NRP1: variants seen among roughly 807,000 people sequenced by gnomAD.
NRP1 encodes neuropilin-1.
NRP1 carries 35 observed loss-of-function variants against 106.7 expected under a neutral mutation model. The observed-to-expected ratio is 0.33, with a 90% CI of 0.25 to 0.43. The LOEUF is 0.43. Among genes scored for constraint, NRP1 ranks in the 20% least tolerant of loss-of-function variants. The probability of loss-of-function intolerance (pLI) is 1.00; values close to 1 mark genes in which losing one functional copy is unlikely to be tolerated. For missense variants in NRP1, 1,024 were observed against 1,170.4 expected, an observed-to-expected ratio of 0.87 and a Z score of 1.83; for synonymous variants, 437 against 417.9, an observed-to-expected ratio of 1.05 and a Z score of -0.56.
At chr10:33,206,471 C>G (rs1837793131) in intron 10 of NRP1, 1 of 366,828 alleles carries the variant, frequency 2.7e-6, no homozygotes, top group Non-Finnish European at 5.5e-6. Context: ...ATGAATTATT[C>G]AGGGGTATGG....
intron 2 of NRP1, among the ~76,000 whole-genome samples, chr10:33,279,925 A>G (rs1843989587): frequency 6.6e-6 from 1 of 152,168 alleles, no homozygotes; most frequent in Non-Finnish European, 1.5e-5. Context: ...GGGAGCTCTG[A>G]GCCTATAGGC....
intron 13 of NRP1, among the ~76,000 whole-genome samples, chr10:33,188,591 G>A (rs867289566): frequency 9.2e-5 from 14 of 152,034 alleles, no homozygotes; most frequent in Middle Eastern, 6.8e-3. Flanking sequence ...AAATATGCTC[G>A]TGTGGCCGGG....
intron 6 of NRP1, among the ~76,000 whole-genome samples, chr10:33,236,908 T>C (rs927099): frequency 0.61 from 93,299 of 152,104 alleles, 30,089 homozygotes; most frequent in African/African-American, 0.82. Context: ...TCCATTTTCT[T>C]AACTGTCCCG....
intron 6 of NRP1, among the ~76,000 whole-genome samples, chr10:33,230,332 C>T (rs776568416): frequency 1.3e-5 from 2 of 152,186 alleles, no homozygotes; most frequent in Non-Finnish European, 2.9e-5. Flanking sequence ...TTCTGGAAGA[C>T]ACCACCCCCA....
intron 2 of NRP1, among the ~76,000 whole-genome samples, chr10:33,297,885 T>G (rs1294057773): frequency 6.6e-6 from 1 of 151,464 alleles, no homozygotes; most frequent in Non-Finnish European, 1.5e-5. Flanking sequence ...TCTCCTGCCC[T>G]ATGAAAACCA....
intron 2 of NRP1, among the ~76,000 whole-genome samples, chr10:33,286,626 G>GC (rs1844581017): frequency 6.6e-6 from 1 of 152,142 alleles, no homozygotes; most frequent in South Asian, 2.1e-4. Context: ...TTTAACACAA[G>GC]CATTTTCCAC....
chr10:33,323,380 G>T (rs1053173923), intron 2 of NRP1, among the ~76,000 whole-genome samples: 2 of 152,114 alleles, frequency 1.3e-5, no homozygotes, highest in African/African-American at 2.4e-5. Flanking sequence ...CACGTTATAA[G>T]GCAAAAGTTC....
chr10:33,320,435 G>A (rs1310948283), intron 2 of NRP1, among the ~76,000 whole-genome samples: 1 of 152,132 alleles, frequency 6.6e-6, no homozygotes, highest in Non-Finnish European at 1.5e-5. Flanking sequence ...GATTAAGCTA[G>A]AGGGAGTGAG....
intron 6 of NRP1, among the ~76,000 whole-genome samples, chr10:33,251,975 C>T (rs545532277): frequency 6.6e-6 from 1 of 152,272 alleles, no homozygotes; most frequent in East Asian, 1.9e-4. Flanking sequence ...AAGACAGGTA[C>T]TCCTGCTTTC....
intron 2 of NRP1, among the ~76,000 whole-genome samples, chr10:33,304,716 C>A (rs1281223227): frequency 1.3e-5 from 2 of 152,188 alleles, no homozygotes; most frequent in African/African-American, 2.4e-5. Flanking sequence ...GACTCCTCCC[C>A]ATTTATTTGT....
chr10:33,307,689 T>A (rs1354462651), intron 2 of NRP1, among the ~76,000 whole-genome samples: 1 of 152,198 alleles, frequency 6.6e-6, no homozygotes, highest in Non-Finnish European at 1.5e-5. Context: ...GATTTATGCA[T>A]ACAGATGTTC....
intron 2 of NRP1, among the ~76,000 whole-genome samples, chr10:33,285,305 T>C (rs1322118308): frequency 3.3e-5 from 5 of 152,140 alleles, no homozygotes; most frequent in African/African-American, 7.2e-5. Flanking sequence ...TGGGAAGATA[T>C]AATAGACCAA....
intron 3 of NRP1, among the ~76,000 whole-genome samples, chr10:33,266,301 C>T (rs1842911732): frequency 6.6e-6 from 1 of 152,144 alleles, no homozygotes; most frequent in Non-Finnish European, 1.5e-5. Flanking sequence ...GGGGACATTC[C>T]ATGGGGCGAT....
At chr10:33,269,459 G>A (rs1843143569) in intron 3 of NRP1, among the ~76,000 whole-genome samples, 1 of 152,130 alleles carries the variant, frequency 6.6e-6, no homozygotes, top group Non-Finnish European at 1.5e-5. Context: ...CACCATGGCT[G>A]GCTAATGCAT....
chr10:33,231,997 G>A (rs1840174572), intron 6 of NRP1, among the ~76,000 whole-genome samples: 1 of 152,104 alleles, frequency 6.6e-6, no homozygotes, highest in Non-Finnish European at 1.5e-5. Context: ...TAAAGAATAT[G>A]AGCTCTGGTT....
intron 2 of NRP1, among the ~76,000 whole-genome samples, chr10:33,328,183 A>G (rs568965927): frequency 6.6e-6 from 1 of 152,304 alleles, no homozygotes; most frequent in African/African-American, 2.4e-5. Context: ...AATTACAATC[A>G]TCTTTTAATG....
At chr10:33,330,572 C>T (rs1412134306) in intron 2 of NRP1, 136 bp downstream of exon 2, 2 of 608,240 alleles carry the variant, frequency 3.3e-6, no homozygotes, top group Admixed American at 3.8e-5. Context: ...ATACCATTGA[C>T]ATATAATCTG....
intron 13 of NRP1, among the ~76,000 whole-genome samples, chr10:33,191,748 G>A (rs776477248): frequency 1.3e-5 from 2 of 152,120 alleles, no homozygotes; most frequent in African/African-American, 4.8e-5. Flanking sequence ...GGAAGCTGAG[G>A]TGGGTGGATC....
At chr10:33,296,822 A>T (rs943959638) in intron 2 of NRP1, among the ~76,000 whole-genome samples, 1 of 152,116 alleles carries the variant, frequency 6.6e-6, no homozygotes, top group Non-Finnish European at 1.5e-5. Context: ...TGAGGCCAGG[A>T]GTTCAAGACC....
Sources: allele counts gnomAD v4.1 joint callset (sites outside exome capture counted in the v4.1 genomes callset), GRCh38; gene constraint gnomAD v4.1.1; transcripts MANE v1.5; gene names NCBI Gene and HGNC (gene_info 2026-07-23, HGNC 2026-07-21).